FAM168A: variants seen among roughly 807,000 people sequenced by gnomAD.
The protein encoded by FAM168A is family with sequence similarity 168 member A, also known as protein FAM168A.
In FAM168A, 3 loss-of-function variants were observed where a neutral mutation model predicts 28.5. That is an observed-to-expected ratio of 0.11 (90% CI 0.05 to 0.27). FAM168A has a LOEUF of 0.27. Ranked by LOEUF, FAM168A falls within the 10% of genes least tolerant of loss-of-function variation. The pLI is 1.00. For missense variants in FAM168A, 222 were observed against 311.5 expected (o/e 0.71, Z 2.16); for synonymous variants, 122 against 124.2 (o/e 0.98, Z 0.12).
intron 1 of FAM168A, among the ~76,000 whole-genome samples, chr11:73,579,749 T>C (rs1335311897): frequency 6.6e-6 from 1 of 152,268 alleles, no homozygotes; most frequent in African/African-American, 2.4e-5. Context: ...CCTTTACTGA[T>C]GGAGAAAATG....
At chr11:73,477,962 T>TAGACAGAC (rs146039976) in intron 1 of FAM168A, among the ~76,000 whole-genome samples, 2 of 145,426 alleles carry the variant, frequency 1.4e-5, no homozygotes, top group African/African-American at 5.1e-5. Flanking sequence ...GATAGATAGA[T>TAGACAGAC]AGATAGATAA....
At chr11:73,486,800 T>C (rs1868059070) in intron 1 of FAM168A, among the ~76,000 whole-genome samples, 1 of 152,180 alleles carries the variant, frequency 6.6e-6, no homozygotes, top group Non-Finnish European at 1.5e-5. Flanking sequence ...GAAAAGACAA[T>C]GTGGTATCAA....
At chr11:73,421,737 A>G (rs1387018117) in intron 3 of FAM168A, among the ~76,000 whole-genome samples, 3 of 152,122 alleles carry the variant, frequency 2.0e-5, no homozygotes, top group East Asian at 3.9e-4. Context: ...ACCCAAAACA[A>G]CTCTCTAAAA....
intron 1 of FAM168A, among the ~76,000 whole-genome samples, chr11:73,526,113 G>A (rs1257545673): frequency 6.6e-6 from 1 of 152,106 alleles, no homozygotes; most frequent in Non-Finnish European, 1.5e-5. Context: ...TTTGCACCAT[G>A]TATATCAAAA....
intron 1 of FAM168A, among the ~76,000 whole-genome samples, chr11:73,519,509 A>G (rs1301722001): frequency 6.6e-6 from 1 of 152,214 alleles, no homozygotes; most frequent in Non-Finnish European, 1.5e-5. Context: ...ATGTAACAGA[A>G]GCTTATAAAG....
At chr11:73,445,156 G>A (rs888358631) in intron 2 of FAM168A, among the ~76,000 whole-genome samples, 18 of 152,104 alleles carry the variant, frequency 1.2e-4, no homozygotes, top group African/African-American at 3.6e-4. Flanking sequence ...CTACTTGGGA[G>A]GCTGAGGCAG....
At chr11:73,531,301 T>C (rs891801212) in intron 1 of FAM168A, among the ~76,000 whole-genome samples, 1 of 152,152 alleles carries the variant, frequency 6.6e-6, no homozygotes, top group South Asian at 2.1e-4. Context: ...TAACCAGAAA[T>C]ATCACTAATG....
chr11:73,433,034 C>T (rs1211724502), intron 2 of FAM168A, among the ~76,000 whole-genome samples: 1 of 149,934 alleles, frequency 6.7e-6, no homozygotes, highest in African/African-American at 2.5e-5. Context: ...GCTTCAGCTT[C>T]CTGAATAGCT....
At chr11:73,576,688 C>T (rs2134728788) in intron 1 of FAM168A, among the ~76,000 whole-genome samples, 1 of 152,278 alleles carries the variant, frequency 6.6e-6, no homozygotes. Flanking sequence ...GCAGAACTCA[C>T]CAGTTTTCTC....
chr11:73,561,869 A>T (rs1458635520), intron 1 of FAM168A, among the ~76,000 whole-genome samples: 1 of 152,218 alleles, frequency 6.6e-6, no homozygotes, highest in Non-Finnish European at 1.5e-5. Context: ...ATACCCTTTT[A>T]TCCCATACGA....
intron 1 of FAM168A, among the ~76,000 whole-genome samples, chr11:73,585,705 C>CA (rs1488515519): frequency 7.9e-5 from 12 of 151,454 alleles, no homozygotes; most frequent in African/African-American, 2.9e-4. Context: ...CCACCACTAC[C>CA]AAAAATACAA....
chr11:73,489,785 C>A (rs1868104833), intron 1 of FAM168A, among the ~76,000 whole-genome samples: 1 of 152,200 alleles, frequency 6.6e-6, no homozygotes, highest in Non-Finnish European at 1.5e-5. Flanking sequence ...TGTTGAATTA[C>A]AGGCATGAGC....
chr11:73,495,518 G>A (rs1279772865), intron 1 of FAM168A, among the ~76,000 whole-genome samples: 1 of 152,146 alleles, frequency 6.6e-6, no homozygotes, highest in Admixed American at 6.5e-5. Context: ...CAGCCTCCTT[G>A]AGTGACATCT....
At chr11:73,521,963 G>A (rs146009129) in intron 1 of FAM168A, among the ~76,000 whole-genome samples, 4 of 152,254 alleles carry the variant, frequency 2.6e-5, no homozygotes, top group Admixed American at 6.5e-5. Flanking sequence ...GTGTTAAGGA[G>A]GGAATTCTCA....
At chr11:73,562,554 C>T (rs1167175845) in intron 1 of FAM168A, among the ~76,000 whole-genome samples, 5 of 152,092 alleles carry the variant, frequency 3.3e-5, no homozygotes, top group Admixed American at 6.6e-5. Context: ...TGGCCTGGCA[C>T]GATCGCTCAT....
chr11:73,561,675 T>G (rs1443545416), intron 1 of FAM168A, among the ~76,000 whole-genome samples: 1 of 152,174 alleles, frequency 6.6e-6, no homozygotes, highest in Admixed American at 6.5e-5. Context: ...ACTCTTTTTT[T>G]AAGCATCTGA....
At chr11:73,474,616 G>A (rs1371169784) in intron 1 of FAM168A, among the ~76,000 whole-genome samples, 1 of 152,170 alleles carries the variant, frequency 6.6e-6, no homozygotes, top group East Asian at 1.9e-4. Flanking sequence ...AAGTTTTATA[G>A]AGGACAAACA....
chr11:73,513,457 C>T (rs1247840492), intron 1 of FAM168A, among the ~76,000 whole-genome samples: 1 of 142,784 alleles, frequency 7.0e-6, no homozygotes, highest in African/African-American at 3.0e-5. Context: ...ACCTTGTGAT[C>T]CACCCACCTT....
intron 2 of FAM168A, among the ~76,000 whole-genome samples, chr11:73,445,732 T>A (rs1441473328): frequency 6.6e-6 from 1 of 152,130 alleles, no homozygotes; most frequent in Non-Finnish European, 1.5e-5. Context: ...AGGTCAATGA[T>A]CTCTAGAAAA....
Sources: gnomAD v4.1 joint callset for allele counts (sites outside exome capture counted in the v4.1 genomes callset) on GRCh38, gnomAD v4.1.1 for gene constraint, MANE v1.5 for transcripts, NCBI Gene and HGNC (gene_info 2026-07-23, HGNC 2026-07-21) for gene names.